Variants in SPATA17 observed in about 807,000 individuals in gnomAD.
SPATA17 encodes spermatogenesis-associated protein 17.
SPATA17 carries 53 observed loss-of-function variants against 62.2 expected under a neutral mutation model. The ratio of observed to expected loss-of-function variants is 0.85; its 90% confidence interval spans 0.68 to 1.07. The LOEUF is 1.07. Among genes scored for constraint, SPATA17 ranks in the 50% least tolerant of loss-of-function variants. The probability of loss-of-function intolerance (pLI) is 0.00; values close to 1 mark genes in which losing one functional copy is unlikely to be tolerated. For missense variants in SPATA17, 466 were observed against 425.5 expected (o/e 1.10, Z -0.84); for synonymous variants, 146 against 146.8 (o/e 0.99, Z 0.04).
chr1:217,690,112 A>G (rs1280392659), intron 5 of SPATA17, among the ~76,000 whole-genome samples: 2 of 152,168 alleles, frequency 1.3e-5, no homozygotes, highest in Non-Finnish European at 2.9e-5. Context: ...CATATTGGTC[A>G]GGCTGGTCTC....
chr1:217,687,988 A>T (rs1671258291), intron 5 of SPATA17, among the ~76,000 whole-genome samples: 1 of 152,172 alleles, frequency 6.6e-6, no homozygotes, highest in South Asian at 2.1e-4. Flanking sequence ...TTGTGAACTT[A>T]AAAAACATCA....
In SPATA17 at chr1:217,829,772, G is replaced by C. The variant is rs541108185; in HGVS notation, c.1005+27922G>C. On this transcript the variant is annotated intron_variant, in intron 9 of 10. Transcript: ENST00000366933. ...TGGGGAGGGGATTGGGGTGGCGAGAGAAATATAGGTCATATATATTTATAT... is the reference window on the plus strand; with the variant it reads ...TGGGGAGGGGATTGGGGTGGCGAGACAAATATAGGTCATATATATTTATAT... 5.3e-5 allele frequency among the ~76,000 whole-genome samples: 8 copies of C among 151,406 alleles called. No homozygotes were observed. In the Middle Eastern group the frequency reaches 0.01, roughly 197 times the overall value.
chr1:217,743,782 G>C (rs904863241), intron 6 of SPATA17, among the ~76,000 whole-genome samples: 1 of 151,916 alleles, frequency 6.6e-6, no homozygotes, highest in Non-Finnish European at 1.5e-5. Flanking sequence ...GCTAATTTTT[G>C]TATTTTAATA....
intron 6 of SPATA17, among the ~76,000 whole-genome samples, chr1:217,768,803 T>C (rs1011025487): frequency 3.9e-5 from 6 of 152,160 alleles, no homozygotes; most frequent in African/African-American, 1.2e-4. Flanking sequence ...GCTCTACCCA[T>C]CTTTAGAACA....
intron 5 of SPATA17, among the ~76,000 whole-genome samples, chr1:217,714,567 C>T (rs1671956268): frequency 6.9e-6 from 1 of 144,602 alleles, no homozygotes; most frequent in Non-Finnish European, 1.5e-5. Flanking sequence ...TCACTGCAAG[C>T]TCCGCCTCCC....
chr1:217,773,705 G>C (rs7525540), intron 6 of SPATA17, among the ~76,000 whole-genome samples: 116,400 of 151,954 alleles, frequency 0.77, 44,979 homozygotes, highest in Non-Finnish European at 0.81. Flanking sequence ...ACCTAACCAC[G>C]TGAATACAAC....
intron 5 of SPATA17, among the ~76,000 whole-genome samples, chr1:217,738,846 G>A (rs61825785): frequency 0.031 from 4,682 of 152,314 alleles, 103 homozygotes; most frequent in Middle Eastern, 0.058. Flanking sequence ...CAGCTACTTG[G>A]GAGGTTGAGG....
At chr1:217,729,441 T>C (rs1343361740) in intron 5 of SPATA17, among the ~76,000 whole-genome samples, 1 of 152,232 alleles carries the variant, frequency 6.6e-6, no homozygotes, top group Non-Finnish European at 1.5e-5. Flanking sequence ...CTCAGCCAAG[T>C]AAATGATAGC....
At chr1:217,672,240 T>C (rs184144497) in intron 4 of SPATA17, among the ~76,000 whole-genome samples, 42 of 152,326 alleles carry the variant, frequency 2.8e-4, no homozygotes, top group African/African-American at 9.4e-4. Context: ...ATAAATACGA[T>C]TCTGCTTTTT....
At chr1:217,782,892 A>G (rs1293302317) in intron 8 of SPATA17, among the ~76,000 whole-genome samples, 2 of 151,932 alleles carry the variant, frequency 1.3e-5, no homozygotes, top group Non-Finnish European at 2.9e-5. Flanking sequence ...CTCTCTCTTA[A>G]GACACTTTGT....
At chr1:217,676,867 G>A (rs1670958609) in intron 4 of SPATA17, among the ~76,000 whole-genome samples, 1 of 152,038 alleles carries the variant, frequency 6.6e-6, no homozygotes, top group Admixed American at 6.6e-5. Flanking sequence ...ATAATCAAAA[G>A]CTTACAGAAT....
intron 9 of SPATA17, among the ~76,000 whole-genome samples, chr1:217,814,534 T>C (rs533024110): frequency 1.9e-4 from 29 of 152,240 alleles, no homozygotes; most frequent in Middle Eastern, 3.4e-3. Flanking sequence ...CTGAACTTTA[T>C]GAAAAGTTTC....
At chr1:217,655,317 G>T (rs1416738463) in intron 3 of SPATA17, among the ~76,000 whole-genome samples, 1 of 152,078 alleles carries the variant, frequency 6.6e-6, no homozygotes, top group East Asian at 1.9e-4. Context: ...TGTTTCTTCA[G>T]TGTTGGATTC....
chr1:217,747,490 A>G (rs12130621), intron 6 of SPATA17, among the ~76,000 whole-genome samples: 69,508 of 151,970 alleles, frequency 0.46, 17,412 homozygotes, highest in Non-Finnish European at 0.58. Flanking sequence ...TGTAAAATTC[A>G]AGATCCAAAT....
At chr1:217,683,204 A>C (rs1671136513) in intron 4 of SPATA17, 54 bp from the exon 5 acceptor site, 2 of 1,297,376 alleles carry the variant, frequency 1.5e-6, no homozygotes, top group Admixed American at 2.1e-5. Flanking sequence ...GTGCTATTAC[A>C]TTTTTAATAA....
intron 3 of SPATA17, chr1:217,665,264 C>A (rs1670670308): frequency 6.6e-6 from 1 of 152,126 alleles, no homozygotes; most frequent in African/African-American, 2.4e-5. Flanking sequence ...GACTATACAT[C>A]TCTCTCTCTC....
intron 9 of SPATA17, among the ~76,000 whole-genome samples, chr1:217,854,519 GT>G (rs898058647): frequency 2.0e-5 from 3 of 152,118 alleles, no homozygotes; most frequent in African/African-American, 7.2e-5. Context: ...TTCAGGCCCT[GT>G]GATGGTACTG....
chr1:217,831,863 T>C (rs1675151223), intron 9 of SPATA17, among the ~76,000 whole-genome samples: 1 of 152,186 alleles, frequency 6.6e-6, no homozygotes. Context: ...ATATGTGTAT[T>C]ACCTTTAAAA....
intron 8 of SPATA17, among the ~76,000 whole-genome samples, chr1:217,790,387 A>G (rs903812283): frequency 6.6e-6 from 1 of 152,232 alleles, no homozygotes; most frequent in African/African-American, 2.4e-5. Flanking sequence ...CCCCTAAAAA[A>G]GGGGGAACCA....
Sources: allele counts gnomAD v4.1 joint callset (sites outside exome capture counted in the v4.1 genomes callset), GRCh38; gene constraint gnomAD v4.1.1; transcripts MANE v1.5; gene names NCBI Gene and HGNC (gene_info 2026-07-23, HGNC 2026-07-21).